Variants in GPR50 observed in about 807,000 individuals in gnomAD.
The protein encoded by GPR50 is melatonin-related receptor.
Under a neutral mutation model 2.6 loss-of-function variants are expected in GPR50, and 1 was observed. The observed-to-expected ratio is 0.38, with a 90% CI of 0.13 to 1.79. The LOEUF is 1.79. Ranked by LOEUF, GPR50 falls within the 40% of genes most tolerant of loss-of-function variation. The pLI is 0.33. For synonymous variants in GPR50, 233 were observed against 202.3 expected (o/e 1.15, Z -1.29); for missense variants, 535 against 522.1 (o/e 1.02, Z -0.24).
Position 151,179,992 on chromosome X carries a change from G to A in GPR50, c.409G>A (p.Glu137Lys), listed in dbSNP as rs377409392. The A allele has an allele frequency of 7.4e-6, 9 of 1,208,674 alleles. No homozygotes were observed. The highest frequency in any genetic ancestry group is 5.3e-5 in the South Asian group (3 of 56,602). Residue 137 changes from glutamate to lysine, a missense_variant, in exon 2 of 2, where the codon GAA (glutamate) becomes AAA (lysine). By Grantham distance (56) the Glu-to-Lys change is moderately conservative. Transcript: ENST00000218316. ...CTACATCTGCCACAGCCTCCAGTACGAACGGATCTTCAGTGTGCGCAATAC... is the reference window on the plus strand; with the variant it reads ...CTACATCTGCCACAGCCTCCAGTACAAACGGATCTTCAGTGTGCGCAATAC... ...YCYICHSLQYERIFSVRNTCI... is the reference protein window; with the variant it reads ...YCYICHSLQYKRIFSVRNTCI...
chrX:151,179,661 T>A, intron 1 of GPR50, 110 bp from the exon 2 acceptor site: 1 of 506,352 alleles, frequency 2.0e-6, no homozygotes, highest in East Asian at 3.3e-5. Flanking sequence ...TTATAAAAGG[T>A]CATAATCCAG....
Position 151,180,820 on chromosome X carries a change from G to C in GPR50, c.1237G>C (p.Ala413Pro). 8.3e-7 allele frequency: 1 copy of C among 1,209,943 alleles called. No individual in the cohort carries two copies. The highest frequency in any genetic ancestry group is 1.1e-6 in the Non-Finnish European group (1 of 894,790). Residue 413 changes from alanine to proline, a missense_variant, in exon 2 of 2, where the codon GCT (alanine) becomes CCT (proline). Transcript: ENST00000218316. The part of the protein sequence containing the change: ...HHKSVFSHSK[A>P]ASGHLKPVSG... ...CAAGTCTGTCTTTAGCCACTCCAAG[G>C]CTGCCTCTGGTCACCTCAAGCCTGT...
downstream of GPR50, among the ~76,000 whole-genome samples, chrX:151,182,192 CG>C (rs2048718813): frequency 9.0e-6 from 1 of 111,633 alleles, no homozygotes; most frequent in Admixed American, 9.5e-5. Flanking sequence ...AATGATAAGA[CG>C]TTTTTACCTT....
At position 151,181,059 on chromosome X, in the gene GPR50, C is replaced by T. The variant is rs2048711210; in HGVS notation, c.1476C>T (p.Phe492=). 3 of 1,211,095 alleles carry T rather than the reference C, an allele frequency of 2.5e-6. No homozygotes were observed. In the East Asian group the frequency reaches 8.9e-5, roughly 36 times the overall value. The stretch of plus-strand genomic sequence containing the variant: ...CTGGCAGCCACTCCAAGTCTGCCTT[C>T]AGTGCTGCCACCAGCCACCCTAAAC... ...VSAGSHSKSA[F]SAATSHPKPT... Residue 492 remains phenylalanine, a synonymous_variant, in exon 2 of 2, where the codon TTC becomes TTT. Coordinates refer to ENST00000218316, the MANE Select transcript of GPR50 (RefSeq NM_004224.3).
In GPR50 at chrX:151,179,923, G is replaced by T. The variant is rs772438504; in HGVS notation, c.340G>T (p.Gly114Cys). 2 of 1,208,967 alleles carry T rather than the reference G, an allele frequency of 1.7e-6. No homozygotes were observed. The highest frequency in any genetic ancestry group is 3.5e-5 in the African/African-American group (2 of 56,770). ...GTTCATCACAGGGCTGAGTGTGGTC[G>T]GCTCCATCTTCAACATCGTGGCAAT... ...VGFITGLSVV[G>C]SIFNIVAIAI... is the part of the protein sequence containing the mutation. The change falls in exon 2 of 2, where the codon GGC becomes TGC. Residue 114 changes from glycine to cysteine, a missense_variant. By Grantham distance (159) the Gly-to-Cys change is radical (BLOSUM62 -3). Coordinates refer to ENST00000218316, the MANE Select transcript of GPR50 (RefSeq NM_004224.3).
At chrX:151,177,001 A>T (rs2048683658) in intron 1 of GPR50, 93 bp downstream of exon 1, 2 of 594,536 alleles carry the variant, frequency 3.4e-6, no homozygotes, top group East Asian at 6.8e-5. Context: ...GAATCTATGG[A>T]CAGTGCCCTC....
downstream of GPR50, among the ~76,000 whole-genome samples, chrX:151,181,807 T>A (rs1226579441): frequency 8.9e-6 from 1 of 112,344 alleles, no homozygotes; most frequent in Non-Finnish European, 1.9e-5. Context: ...GCCTTGTTCC[T>A]GCTTTCTTCT....
At position 151,180,383 on chromosome X, in the gene GPR50, T is replaced by C. The variant is rs1174566357; in HGVS notation, c.800T>C (p.Met267Thr). The C allele has an allele frequency of 9.1e-6, 11 of 1,211,381 alleles. No individual in the cohort carries two copies. The highest frequency in any genetic ancestry group is 1.2e-5 in the Non-Finnish European group (11 of 895,263). ...TTGGTGGCTGTCAGTCCGAAGGAGA[T>C]GGCAGGCAAGATCCCCAACTGGCTT... is the stretch of plus-strand genomic sequence containing the variant. The part of the protein sequence containing the change: ...TVLVAVSPKE[M>T]AGKIPNWLYL... The change falls in exon 2 of 2, where the codon ATG becomes ACG. Residue 267 changes from methionine (M) to threonine (T), a missense_variant. Met to Thr is a moderately conservative substitution (Grantham distance 81). Transcript: ENST00000218316.
Position 151,180,570 on chromosome X carries a change from G to A in GPR50, c.987G>A (p.Met329Ile). 1 of 1,210,984 alleles carries A rather than the reference G, an allele frequency of 8.3e-7. No homozygotes were observed. Among genetic ancestry groups the A allele is most frequent in the East Asian group, 3.0e-5 (1 of 33,824 alleles). ...FSGLISDIRE[M>I]QEARTLARAR... ...GCCTCATCAGTGATATTCGTGAGAT[G>A]CAGGAGGCCCGTACCCTGGCCCGCG... is the stretch of plus-strand genomic sequence containing the variant. Residue 329 changes from methionine to isoleucine, a missense_variant, in exon 2 of 2, where the codon ATG (methionine) becomes ATA (isoleucine). Coordinates refer to ENST00000218316, the MANE Select transcript of GPR50 (RefSeq NM_004224.3).
Position 151,179,812 on chromosome X carries a change from G to C in GPR50, c.229G>C (p.Val77Leu), listed in dbSNP as rs371241834. 1 of 1,194,216 alleles carries C rather than the reference G, an allele frequency of 8.4e-7. No homozygotes were observed. The highest frequency in any genetic ancestry group is 2.2e-5 in the Admixed American group (1 of 44,721). Residue 77 changes from valine to leucine, a missense_variant, in exon 2 of 2, where the codon GTG becomes CTG. Physicochemically the swap from Val to Leu is conservative, Grantham distance 32 (BLOSUM62 1). Transcript: ENST00000218316. The part of the protein sequence containing the change: ...VVSLSVADML[V>L]AIYPYPLMLH... ...CAGTCTCTCTGTGGCCGATATGCTG[G>C]TGGCCATCTACCCATACCCTTTGAT...
rs1310902519 is a variant in GPR50, at chrX:151,180,206, A to G, written c.623A>G (p.Tyr208Cys). 1 of 1,205,615 alleles carries G rather than the reference A, an allele frequency of 8.3e-7. No individual in the cohort carries two copies. The highest frequency in any genetic ancestry group is 1.1e-6 in the Non-Finnish European group (1 of 894,918). The change falls in exon 2 of 2, where the codon TAC (tyrosine) becomes TGC (cysteine). Residue 208 changes from tyrosine (Y) to cysteine (C), a missense_variant. Physicochemically the swap from Tyr to Cys is radical, Grantham distance 194. Coordinates refer to ENST00000218316, the MANE Select transcript of GPR50 (RefSeq NM_004224.3). ...CCTCTCCTCATCGTGGGTTTCTGCTACGTGAGGATCTGGACCAAAGTGCTG... is the reference window on the plus strand; with the variant it reads ...CCTCTCCTCATCGTGGGTTTCTGCTGCGTGAGGATCTGGACCAAAGTGCTG... Reference protein sequence around the residue: ...VLPLLIVGFCYVRIWTKVLAA... With the variant: ...VLPLLIVGFCCVRIWTKVLAA...
intron 1 of GPR50, 110 bp downstream of exon 1, chrX:151,177,018 A>G: frequency 1.9e-6 from 1 of 530,349 alleles, no homozygotes; most frequent in East Asian, 3.5e-5. Flanking sequence ...CCTCATATTG[A>G]ACATCCCTGC....
downstream of GPR50, chrX:151,181,478 A>G (rs1452280212): frequency 9.9e-7 from 1 of 1,010,122 alleles, no homozygotes; most frequent in South Asian, 2.1e-5. Flanking sequence ...TCCCCTTTCT[A>G]GTTTGTTTTG....
chrX:151,178,119 G>A (rs779648088), intron 1 of GPR50, among the ~76,000 whole-genome samples: 1 of 110,347 alleles, frequency 9.1e-6, no homozygotes, highest in South Asian at 4.0e-4. Context: ...GGGGCTAGGA[G>A]TGGGGACCGA....
Position 151,176,857 on chromosome X carries a change from A to C in GPR50, c.136A>C (p.Asn46His). The C allele has an allele frequency of 1.7e-6, 2 of 1,207,527 alleles. No homozygotes were observed. Among genetic ancestry groups the C allele is most frequent in the Non-Finnish European group, 2.2e-6 (2 of 892,589 alleles). The change falls in exon 1 of 2, where the codon AAC becomes CAC. Residue 46 changes from asparagine (N) to histidine (H), a missense_variant. Transcript: ENST00000218316. ...VITIVVDLIG[N>H]SMVILAVTKN... ...CACCATCGTTGTAGACCTAATCGGC[A>C]ACTCCATGGTCATTTTGGCTGTGAC...
intron 1 of GPR50, among the ~76,000 whole-genome samples, chrX:151,177,994 G>A (rs1314860325): frequency 9.0e-6 from 1 of 110,656 alleles, no homozygotes; most frequent in Non-Finnish European, 1.9e-5. Context: ...TACAGGTTGG[G>A]CGGGAGAGGG....
chrX:151,182,798 G>A (rs1304721776), downstream of GPR50: 3 of 112,648 alleles, frequency 2.7e-5, no homozygotes, highest in Non-Finnish European at 5.6e-5. Flanking sequence ...GTATTATACT[G>A]CCTTAATTCT....
In GPR50 at chrX:151,176,771, A is replaced by G; in HGVS notation, c.50A>G (p.Lys17Arg). Residue 17 changes from lysine to arginine, a missense_variant, in exon 1 of 2, where the codon AAG becomes AGG. By Grantham distance (26) the Lys-to-Arg change is conservative. Transcript: ENST00000218316. Reference protein sequence around the residue: ...VPTPYGCIGCKLPQPEYPPAL... With the variant: ...VPTPYGCIGCRLPQPEYPPAL... The stretch of plus-strand genomic sequence containing the variant: ...ACCCCCTATGGCTGTATTGGCTGTA[A>G]GCTACCCCAGCCAGAATACCCACCG... The G allele has an allele frequency of 2.5e-6, 3 of 1,205,367 alleles. No homozygotes were observed. Among genetic ancestry groups the G allele is most frequent in the Non-Finnish European group, 3.4e-6 (3 of 891,072 alleles).
downstream of GPR50, chrX:151,182,519 G>C (rs1169269334): frequency 3.6e-5 from 4 of 111,638 alleles, no homozygotes; most frequent in African/African-American, 1.3e-4. Flanking sequence ...TCCCGGATGG[G>C]GAGGGGGGCA....
Sources: allele counts gnomAD v4.1 joint callset (sites outside exome capture counted in the v4.1 genomes callset), GRCh38; gene constraint gnomAD v4.1.1; transcripts MANE v1.5; gene names NCBI Gene and HGNC (gene_info 2026-07-23, HGNC 2026-07-21).